The following PAQR6 variants were observed in gnomAD, a reference collection of about 807,000 sequenced individuals.
The protein encoded by PAQR6 is progestin and adipoQ receptor family member 6.
Under a neutral mutation model 36.2 loss-of-function variants are expected in PAQR6, and 34 were observed. The observed-to-expected ratio is 0.94, with a 90% CI of 0.71 to 1.25. The LOEUF (loss-of-function observed/expected upper bound fraction) is 1.25, where lower values mean the gene tolerates loss of function less well. Ranked by LOEUF, PAQR6 falls within the 50% of genes most tolerant of loss-of-function variation. PAQR6 has a pLI of 0.00. For missense variants in PAQR6, 431 were observed against 445.7 expected (o/e 0.97, Z 0.30); for synonymous variants, 190 against 190.7 (o/e 1.00, Z 0.03).
At position 156,246,242 on chromosome 1, in the gene PAQR6, C is replaced by G. The variant is rs768843928; in HGVS notation, c.60G>C (p.Trp20Cys). Residue 20 changes from tryptophan to cysteine, a missense_variant, in exon 3 of 8, where the codon TGG (tryptophan) becomes TGC (cysteine). Physicochemically the swap from Trp to Cys is radical, Grantham distance 215. Coordinates refer to ENST00000292291, the MANE Select transcript of PAQR6 (RefSeq NM_198406.3). ...GGTAGCCAGACATGATGCCATCTTC[C>G]CAGAACACCTAGGGTAGTGGTGGGA... ...LQVHQVPRVF[W>C]EDGIMSGYRR... 1.8e-5 allele frequency: 29 copies of G among 1,612,916 alleles called. No individual in the cohort carries two copies. Among genetic ancestry groups the G allele is most frequent in the Non-Finnish European group, 2.4e-5 (28 of 1,179,422 alleles).
In PAQR6 at chr1:156,246,663, G is replaced by C. The variant is rs773246880; in HGVS notation, c.51+18C>G. 2 of 1,613,034 alleles carry C rather than the reference G, an allele frequency of 1.2e-6. No homozygotes were observed. Among genetic ancestry groups the C allele is most frequent in the South Asian group, 1.1e-5 (1 of 90,860 alleles). ...CTAGGGAATGGGGGTTGGTGGGTCAGTGGGTGGAGCCCCTCACCCGGGGGA... is the reference window on the plus strand; with the variant it reads ...CTAGGGAATGGGGGTTGGTGGGTCACTGGGTGGAGCCCCTCACCCGGGGGA... On this transcript the variant is annotated intron_variant, in intron 2 of 7. Coordinates refer to ENST00000292291, the MANE Select transcript of PAQR6 (RefSeq NM_198406.3).
chr1:156,244,627 T>C (rs1659942646), intron 7 of PAQR6, 134 bp downstream of exon 7: 7 of 1,527,576 alleles, frequency 4.6e-6, no homozygotes, highest in Middle Eastern at 1.7e-4. Flanking sequence ...GCTCTCGTTA[T>C]AGGAAGACAG....
In PAQR6 at chr1:156,246,125, G is replaced by C. The variant is rs1305892621; in HGVS notation, c.177C>G (p.Thr59=). 6.2e-7 allele frequency: 1 copy of C among 1,611,848 alleles called. No individual in the cohort carries two copies. The highest frequency in any genetic ancestry group is 1.7e-5 in the Admixed American group (1 of 60,014). ...CCTGGGGCGGAGCCTCCCCTCACCA[G>C]GTGGGCAGGAAGTGAGTCCAGATGT... ...TVNIWTHFLP[T]WYFLWRLLAL... is the part of the protein sequence containing the mutation. Residue 59 remains threonine, a splice_region_variant and synonymous_variant, in exon 3 of 8, where the codon ACC becomes ACG. Coordinates refer to ENST00000292291, the MANE Select transcript of PAQR6 (RefSeq NM_198406.3).
Position 156,243,717 on chromosome 1 carries a change from A to G in PAQR6, c.*412T>C. The G allele has an allele frequency of 2.8e-6, 3 of 1,058,954 alleles. No homozygotes were observed. The highest frequency in any genetic ancestry group is 4.0e-6 in the Non-Finnish European group (3 of 744,386). The allele number at this position is 1,058,954 out of a possible 1,614,324, so 65.6% of individuals were successfully genotyped here. On this transcript the variant is annotated 3_prime_UTR_variant, in exon 8 of 8. Coordinates refer to ENST00000292291, the MANE Select transcript of PAQR6 (RefSeq NM_198406.3). ...GTGTGGCCTCTCGGCCTGGTTAGCA[A>G]GAAGCATTCAGGGTAGGCCTAGGTT...
At position 156,243,732 on chromosome 1, in the gene PAQR6, A is replaced by T. The variant is rs1251844457; in HGVS notation, c.*397T>A. 8.6e-7 allele frequency: 1 copy of T among 1,157,434 alleles called. No homozygotes were observed. The highest frequency in any genetic ancestry group is 1.5e-5 in the African/African-American group (1 of 64,970). 71.7% of individuals were successfully genotyped at this position (1,157,434 alleles called of 1,614,324 possible). A position where few individuals can be genotyped will look rare whatever the true frequency, so the allele number is the denominator to read the frequency against. ...CTGGTTAGCAAGAAGCATTCAGGGT[A>T]GGCCTAGGTTAGTCGTGTTAGTTCT... On this transcript the variant is annotated 3_prime_UTR_variant, in exon 8 of 8. Coordinates refer to ENST00000292291, the MANE Select transcript of PAQR6 (RefSeq NM_198406.3).
At chr1:156,244,557 G>A in intron 7 of PAQR6, 154 bp from the exon 8 acceptor site, 1 of 1,377,538 alleles carries the variant, frequency 7.3e-7, no homozygotes, top group Non-Finnish European at 9.7e-7. Flanking sequence ...TGTGGCCCCA[G>A]CACACATGCT....
At chr1:156,244,552 CCCCAGCA>C in intron 7 of PAQR6, 149 bp from the exon 8 acceptor site, 1 of 1,361,988 alleles carries the variant, frequency 7.3e-7, no homozygotes, top group Non-Finnish European at 9.9e-7. Flanking sequence ...GTGCATGTGG[CCCCAGCA>C]CACATGCTAC....
intron 2 of PAQR6, 114 bp downstream of exon 2, chr1:156,246,567 G>C: frequency 8.3e-7 from 1 of 1,210,222 alleles, no homozygotes; most frequent in Admixed American, 2.5e-5. Context: ...GAATGGGAGG[G>C]TAAGAGTTCG....
rs541423747 is a variant in PAQR6 at position 156,244,116 on chromosome 1, C to T, written c.*13G>A. On this transcript the variant is annotated 3_prime_UTR_variant, in exon 8 of 8. Transcript: ENST00000292291. ...GCCTCTGCCCCCTCCAGGACAGGGT[C>T]AGGGATGGGGCCTCACTGTTGTTTG... 5 of 1,606,186 alleles carry T rather than the reference C, an allele frequency of 3.1e-6. No homozygotes were observed. Among genetic ancestry groups the T allele is most frequent in the Non-Finnish European group, 3.4e-6 (4 of 1,174,140 alleles).
At chr1:156,244,691 C>T in intron 7 of PAQR6, 70 bp downstream of exon 7, 2 of 1,611,894 alleles carry the variant, frequency 1.2e-6, no homozygotes, top group Non-Finnish European at 1.7e-6. Flanking sequence ...CCCATTTACC[C>T]AGTTCATTCT....
Position 156,243,925 on chromosome 1 carries a change from G to A in PAQR6, c.*204C>T. 1 of 1,613,668 alleles carries A rather than the reference G, an allele frequency of 6.2e-7. No homozygotes were observed. The highest frequency in any genetic ancestry group is 8.5e-7 in the Non-Finnish European group (1 of 1,179,748). On this transcript the variant is annotated 3_prime_UTR_variant, in exon 8 of 8. Coordinates refer to ENST00000292291, the MANE Select transcript of PAQR6 (RefSeq NM_198406.3). ...AGCACTTCTTCCACTCCCATCAAGA[G>A]CCCCCTCACGGTCCCTCTCACACTC...
intron 1 of PAQR6, 93 bp from the exon 2 acceptor site, chr1:156,246,849 T>C (rs542679390): frequency 2.2e-5 from 25 of 1,122,288 alleles, no homozygotes; most frequent in Middle Eastern, 2.8e-4. Flanking sequence ...GCTGTGCGTG[T>C]GGGAGGCAGA....
intron 1 of PAQR6, 124 bp downstream of exon 1, chr1:156,247,833 G>A (rs1660892204): frequency 3.0e-6 from 1 of 335,468 alleles, no homozygotes; most frequent in African/African-American, 2.2e-5. Flanking sequence ...TCCCTTAGTA[G>A]TAGGGTTTGG....
At chr1:156,244,705 C>T (rs1558211004) in intron 7 of PAQR6, 56 bp downstream of exon 7, 1 of 1,613,270 alleles carries the variant, frequency 6.2e-7, no homozygotes, top group Non-Finnish European at 8.5e-7. Flanking sequence ...TCATTCTGTG[C>T]TCTGGGAAGG....
chr1:156,243,575 C>A lies in PAQR6; in HGVS notation c.*554G>T, dbSNP rs1032427777. ...TCCATAATGCACCCAGATAGGCCCA[C>A]CCCCAAAAGCCTGGACACCTTGAGC... is the stretch of plus-strand genomic sequence containing the variant. On this transcript the variant is annotated 3_prime_UTR_variant, in exon 8 of 8. Coordinates refer to ENST00000292291, the MANE Select transcript of PAQR6 (RefSeq NM_198406.3). The A allele has an allele frequency of 4.1e-6, 2 of 488,250 alleles. No homozygotes were observed. Among genetic ancestry groups the A allele is most frequent in the African/African-American group, 3.8e-5 (2 of 52,424 alleles). The allele number at this position is 488,250 out of a possible 1,614,324, so 30.2% of individuals were successfully genotyped here.
At chr1:156,246,609 GAGA>G (rs753816207) in intron 2 of PAQR6, 69 bp downstream of exon 2, 88 of 1,530,730 alleles carry the variant, frequency 5.7e-5, no homozygotes, top group Non-Finnish European at 7.7e-5. Flanking sequence ...ATAGCTAAAA[GAGA>G]AGAACGTCAG....
In PAQR6 at chr1:156,246,265, GGA is replaced by G; in HGVS notation, c.52-17_52-16del. On this transcript the variant is annotated splice_polypyrimidine_tract_variant and intron_variant, in intron 2 of 7. Coordinates refer to ENST00000292291, the MANE Select transcript of PAQR6 (RefSeq NM_198406.3). Reference sequence around the variant, plus strand: ...TCCCAGAACACCTAGGGTAGTGGTGGGAGAGGAAGGGCGTCACTGTGCCCGGA... The same window carrying G: ...TCCCAGAACACCTAGGGTAGTGGTGGGAGGAAGGGCGTCACTGTGCCCGGA... 1 of 1,598,222 alleles carries G rather than the reference GGA, an allele frequency of 6.3e-7. No individual in the cohort carries two copies. Among genetic ancestry groups the G allele is most frequent in the Non-Finnish European group, 8.6e-7 (1 of 1,167,660 alleles).
At position 156,244,331 on chromosome 1, in the gene PAQR6, T is replaced by C. The variant is rs749698335; in HGVS notation, c.833A>G (p.Asp278Gly). The C allele has an allele frequency of 6.2e-7, 1 of 1,607,030 alleles. No individual in the cohort carries two copies. The highest frequency in any genetic ancestry group is 1.1e-5 in the South Asian group (1 of 90,298). ...CAGCCAGGCTCTGCGTGATCCCATA[T>C]CAGCCAGCACTGCCTCCAGCTGGAA... is the stretch of plus-strand genomic sequence containing the variant. Reference protein sequence around the residue: ...THFQLEAVLADMGSRRAWLAT... With the variant: ...THFQLEAVLAGMGSRRAWLAT... The change falls in exon 8 of 8, where the codon GAT becomes GGT. Residue 278 changes from aspartate to glycine, a missense_variant. By Grantham distance (94) the Asp-to-Gly change is moderately conservative. Transcript: ENST00000292291.
chr1:156,244,005 C>G lies in PAQR6; in HGVS notation c.*124G>C. On this transcript the variant is annotated 3_prime_UTR_variant, in exon 8 of 8. Transcript: ENST00000292291. ...CTCTGCCCTCTCTCCTGTGCCCTCTCTCCTCAGCCCCTGTTGGTTCCAGGC... is the reference window on the plus strand; with the variant it reads ...CTCTGCCCTCTCTCCTGTGCCCTCTGTCCTCAGCCCCTGTTGGTTCCAGGC... The G allele has an allele frequency of 6.2e-7, 1 of 1,614,194 alleles. No homozygotes were observed. The highest frequency in any genetic ancestry group is 8.5e-7 in the Non-Finnish European group (1 of 1,180,028).
Sources: gnomAD v4.1 joint callset for allele counts on GRCh38, gnomAD v4.1.1 for gene constraint, MANE v1.5 for transcripts, NCBI Gene and HGNC (gene_info 2026-07-23, HGNC 2026-07-21) for gene names.